NTM: variants seen among roughly 807,000 people sequenced by gnomAD.
NTM encodes the protein IgLON family member 2.
A neutral mutation model predicts 42.1 loss-of-function variants in NTM; 13 were observed. The ratio of observed to expected loss-of-function variants is 0.31; its 90% CI spans 0.20 to 0.49. The LOEUF (loss-of-function observed/expected upper bound fraction) is 0.49. NTM is among the 20% of genes least tolerant of loss of function. NTM has a pLI of 0.99. For missense variants in NTM, 373 were observed against 452.8 expected, an observed-to-expected ratio of 0.82 and a Z score of 1.60; for synonymous variants, 187 against 179.2, an observed-to-expected ratio of 1.04 and a Z score of -0.35.
chr11:131,403,735 C>G (rs931523514), intron 1 of NTM, among the ~76,000 whole-genome samples: 8 of 152,168 alleles, frequency 5.3e-5, no homozygotes, highest in African/African-American at 1.9e-4. Context: ...CTTATTCCCA[C>G]TTGGAGTGAA....
In NTM at chr11:132,169,306, G is replaced by A. The variant is rs559347657; in HGVS notation, c.400+22792G>A. Among the ~76,000 whole-genome samples, 33 of 67,970 alleles carry A rather than the reference G, an allele frequency of 4.9e-4. No individual in the cohort carries two copies. In the South Asian group the frequency reaches 0.014, roughly 30 times the overall value. 44.6% of individuals were successfully genotyped at this position (67,970 alleles called of 152,430 possible). A position where few individuals can be genotyped will look rare whatever the true frequency, so the allele number is the denominator to read the frequency against. On this transcript the variant is annotated intron_variant, in intron 3 of 8. Transcript: ENST00000683400. ...TCATATTAGCCAGAGTGATATCTAG[G>A]TTTAATTTTTTTACTTTTTTTTTTT...
intron 2 of NTM, among the ~76,000 whole-genome samples, chr11:132,139,541 C>A (rs575434673): frequency 6.6e-6 from 1 of 152,284 alleles, no homozygotes; most frequent in South Asian, 2.1e-4. Flanking sequence ...ACAGGAAGGA[C>A]AGGTGGTAGG....
At chr11:131,587,510 C>T (rs1317412937) in intron 1 of NTM, among the ~76,000 whole-genome samples, 5 of 151,954 alleles carry the variant, frequency 3.3e-5, no homozygotes, top group African/African-American at 4.8e-5. Flanking sequence ...TTCTGCCTTA[C>T]CATTTCAGAC....
At chr11:132,198,164 G>T (rs1228350557) in intron 3 of NTM, among the ~76,000 whole-genome samples, 1 of 152,146 alleles carries the variant, frequency 6.6e-6, no homozygotes. Flanking sequence ...AGGACACTGA[G>T]AAATTAAATA....
rs553813336 is a variant in NTM, at chr11:132,115,064, A to G, written c.168-31218A>G. 2.6e-5 allele frequency among the ~76,000 whole-genome samples: 4 copies of G among 152,336 alleles called. No homozygotes were observed. The East Asian group carries it at 7.7e-4, about 29-fold the overall frequency. ...ATAAGTCAGACGTAGAAAGACAAAC[A>G]CTGCATGATCTCACTTATATGTTGA... is the stretch of plus-strand genomic sequence containing the variant. On this transcript the variant is annotated intron_variant, in intron 2 of 8. Transcript: ENST00000683400.
chr11:131,902,207 AT>A (rs914753417), intron 1 of NTM, among the ~76,000 whole-genome samples: 7 of 152,280 alleles, frequency 4.6e-5, no homozygotes, highest in African/African-American at 1.7e-4. Context: ...GAAGTAAAGA[AT>A]TAAAAAAGGA....
At chr11:132,031,879 A>T (rs2075967876) in intron 2 of NTM, among the ~76,000 whole-genome samples, 1 of 152,158 alleles carries the variant, frequency 6.6e-6, no homozygotes, top group Non-Finnish European at 1.5e-5. Context: ...TCTTGTTCTC[A>T]TCTAGTTTTT....
At chr11:132,089,619 T>C (rs184469062) in intron 2 of NTM, among the ~76,000 whole-genome samples, 19 of 152,368 alleles carry the variant, frequency 1.2e-4, no homozygotes, top group African/African-American at 3.6e-4. Context: ...CTGGGCTTCG[T>C]CTTCAACATT....
At chr11:131,525,150 C>T (rs544930566) in intron 1 of NTM, among the ~76,000 whole-genome samples, 1 of 152,166 alleles carries the variant, frequency 6.6e-6, no homozygotes, top group East Asian at 1.9e-4. Flanking sequence ...GGGACATGGC[C>T]CCAGAGAGGT....
chr11:132,033,382 T>C (rs898952700), intron 2 of NTM, among the ~76,000 whole-genome samples: 5 of 152,222 alleles, frequency 3.3e-5, no homozygotes, highest in Non-Finnish European at 5.9e-5. Context: ...AGAACATTAT[T>C]GTGTGATAAT....
chr11:131,651,027 A>T (rs1565375785), intron 1 of NTM, among the ~76,000 whole-genome samples: 1 of 152,226 alleles, frequency 6.6e-6, no homozygotes, highest in Non-Finnish European at 1.5e-5. Context: ...ACAAATATGT[A>T]GATACAAAAG....
At chr11:132,138,563 AATCTATCTATCTATCTATCTATCT>A (rs6144568) in intron 2 of NTM, among the ~76,000 whole-genome samples, 20,181 of 127,058 alleles carry the variant, frequency 0.16, 1,484 homozygotes, top group Middle Eastern at 0.2. Context: ...TTTTCAACAG[AATCTATCTATCTATCTATCTATCT>A]ATCTATCTAT....
chr11:131,982,474 C>T (rs2134938059), intron 2 of NTM, among the ~76,000 whole-genome samples: 1 of 152,144 alleles, frequency 6.6e-6, no homozygotes, highest in Non-Finnish European at 1.5e-5. Context: ...ATGGAACAGA[C>T]ACAGCTGCTC....
intron 1 of NTM, chr11:131,538,521 C>T (rs1411805065): frequency 2.6e-5 from 4 of 152,268 alleles, no homozygotes; most frequent in African/African-American, 4.8e-5. Context: ...GCCAGTGCCC[C>T]GCTGGGGTAG....
rs570649655 is a variant in NTM, at chr11:132,203,744, C to A, written c.401-8278C>A. ...GTCTCTACTAAAAATAACACACACACAAAAATTAGCTGGGCTTGGTTTCAG... is the reference window on the plus strand; with the variant it reads ...GTCTCTACTAAAAATAACACACACAAAAAAATTAGCTGGGCTTGGTTTCAG... On this transcript the variant is annotated intron_variant, in intron 3 of 8. Transcript: ENST00000683400. Among the ~76,000 whole-genome samples, 35 of 152,096 alleles carry A rather than the reference C, an allele frequency of 2.3e-4. 1 individual carries two copies. Among genetic ancestry groups the A allele is most frequent in the African/African-American group, 4.6e-4 (19 of 41,514 alleles).
intron 1 of NTM, among the ~76,000 whole-genome samples, chr11:131,643,140 C>T (rs1214616250): frequency 3.3e-5 from 5 of 151,988 alleles, no homozygotes; most frequent in Admixed American, 3.3e-4. Flanking sequence ...CAGAAGCATC[C>T]GAGCCCCTGT....
At chr11:131,555,955 G>A (rs1420795986) in intron 1 of NTM, among the ~76,000 whole-genome samples, 1 of 152,180 alleles carries the variant, frequency 6.6e-6, no homozygotes, top group African/African-American at 2.4e-5. Flanking sequence ...CAACGGTGCT[G>A]CCCTTGTTTA....
chr11:132,075,934 A>G (rs555457693), intron 2 of NTM, among the ~76,000 whole-genome samples: 1 of 152,344 alleles, frequency 6.6e-6, no homozygotes, highest in South Asian at 2.1e-4. Flanking sequence ...GGTGGCATTT[A>G]CCTGAACTAA....
chr11:131,466,781 G>C (rs1422133821), intron 1 of NTM, among the ~76,000 whole-genome samples: 2 of 152,162 alleles, frequency 1.3e-5, no homozygotes, highest in Non-Finnish European at 2.9e-5. Flanking sequence ...ACTATACTTG[G>C]AAAGGAGACA....
Sources: gnomAD v4.1 joint callset for allele counts (sites outside exome capture counted in the v4.1 genomes callset) on GRCh38, gnomAD v4.1.1 for gene constraint, MANE v1.5 for transcripts, NCBI Gene and HGNC (gene_info 2026-07-23, HGNC 2026-07-21) for gene names.